Variants in DCUN1D5 observed in about 807,000 individuals in gnomAD.
The protein encoded by DCUN1D5 is DCN1-like protein 5.
Under a neutral mutation model 38.3 loss-of-function variants are expected in DCUN1D5, and 10 were observed. The ratio of observed to expected loss-of-function variants is 0.26; its 90% confidence interval spans 0.16 to 0.44. The LOEUF is 0.44. Among genes scored for constraint, DCUN1D5 ranks in the 20% least tolerant of loss-of-function variants. The pLI is 1.00. For missense variants in DCUN1D5, 148 were observed against 275.3 expected (o/e 0.54, Z 3.27); for synonymous variants, 93 against 90.9 (o/e 1.02, Z -0.13).
chr11:103,091,813 T>A lies in DCUN1D5; in HGVS notation c.60A>T (p.Gly20=). The change falls in exon 1 of 8, where the codon GGA becomes GGT. Residue 20 remains glycine (G), a synonymous_variant. Transcript: ENST00000260247. This position sits in a 1 kb window ranked among gnomAD's most constrained non-coding sequence, Gnocchi z 4.3. ...PGVAAAVAED[G]GLKKCKISSY... ...TGGAGATTTTACACTTTTTGAGGCC[T>A]CCGTCTTCCGCTACTGCTGCTGCCA... 6.2e-7 allele frequency: 1 copy of A among 1,614,038 alleles called. No individual in the cohort carries two copies.
At chr11:103,089,182 T>C in intron 2 of DCUN1D5, 45 bp downstream of exon 2, 1 of 1,583,024 alleles carries the variant, frequency 6.3e-7, no homozygotes, top group East Asian at 2.2e-5. Flanking sequence ...GCAAATAAAC[T>C]TTTTAAAGCA....
At chr11:103,072,328 G>GGATCTAGAACTAGATCTA (rs1246562414) in intron 4 of DCUN1D5, among the ~76,000 whole-genome samples, 3 of 136,304 alleles carry the variant, frequency 2.2e-5, no homozygotes, top group African/African-American at 9.3e-5. Context: ...GATTCCTCAA[G>GGATCTAGAACTAGATCTA]GATCTAGAAC....
At position 103,091,982 on chromosome 11, in the gene DCUN1D5, G is replaced by T; in HGVS notation, c.-110C>A. On this transcript the variant is annotated 5_prime_UTR_variant, in exon 1 of 8. Transcript: ENST00000260247. This position sits in a 1 kb window ranked among gnomAD's most constrained non-coding sequence, Gnocchi z 4.3. ...TTCCCAGAGACAGCAGCAAGCGGAGGAGCAGAGTCGCCAGCCCGCACCGGC... is the reference window on the plus strand; with the variant it reads ...TTCCCAGAGACAGCAGCAAGCGGAGTAGCAGAGTCGCCAGCCCGCACCGGC... 1 of 1,036,492 alleles carries T rather than the reference G, an allele frequency of 9.6e-7. No homozygotes were observed. The highest frequency in any genetic ancestry group is 1.6e-5 in the South Asian group (1 of 61,764). 64.2% of individuals were successfully genotyped at this position (1,036,492 alleles called of 1,614,324 possible).
At chr11:103,072,971 A>T (rs1862318320) in intron 4 of DCUN1D5, among the ~76,000 whole-genome samples, 1 of 152,222 alleles carries the variant, frequency 6.6e-6, no homozygotes, top group African/African-American at 2.4e-5. Context: ...TTTCTAGATG[A>T]CATGACTATG....
At position 103,071,990 on chromosome 11, in the gene DCUN1D5, T is replaced by G. The variant is rs982514512; in HGVS notation, c.342-5423A>C. ...AAAAAAAGCCACATAATTTTATCAT[T>G]TAATACAGAAAAAGCACTTTAAAAA... On this transcript the variant is annotated intron_variant, in intron 4 of 7. Transcript: ENST00000260247. The surrounding 1 kb of genome is among the most constrained non-coding windows in gnomAD (Gnocchi z 4.1). Among the ~76,000 whole-genome samples the G allele has an allele frequency of 6.6e-6, 1 of 151,684 alleles. No homozygotes were observed. The highest frequency in any genetic ancestry group is 1.9e-4 in the East Asian group (1 of 5,190).
At chr11:103,068,674 G>A (rs1862195854) in intron 4 of DCUN1D5, among the ~76,000 whole-genome samples, 1 of 151,970 alleles carries the variant, frequency 6.6e-6, no homozygotes, top group African/African-American at 2.4e-5. Context: ...CAGACACTGG[G>A]GTCTACTTGA....
chr11:103,056,652 A>G lies in DCUN1D5; in HGVS notation c.*5707T>C, dbSNP rs1237680391. Among the ~76,000 whole-genome samples the G allele has an allele frequency of 6.6e-6, 1 of 152,222 alleles. No individual in the cohort carries two copies. Among genetic ancestry groups the G allele is most frequent in the Non-Finnish European group, 1.5e-5 (1 of 68,026 alleles). Reference sequence around the variant, plus strand: ...ATTACTGTCTTGCTTCGTGCCCTGCAATATATTCAGGCCTAGAATACTTCT... The same window carrying G: ...ATTACTGTCTTGCTTCGTGCCCTGCGATATATTCAGGCCTAGAATACTTCT... On this transcript the variant is annotated 3_prime_UTR_variant, in exon 8 of 8. Coordinates refer to ENST00000260247, the MANE Select transcript of DCUN1D5 (RefSeq NM_032299.4). The surrounding 1 kb of genome is among the most constrained non-coding windows in gnomAD (Gnocchi z 4.9).
At position 103,091,924 on chromosome 11, in the gene DCUN1D5, G is replaced by A; in HGVS notation, c.-52C>T. ...AGGGGAGCCGGGGAAGGGGGTCCCT[G>A]TCCGCTGGAAGCCCCTCAGCGCTGG... On this transcript the variant is annotated 5_prime_UTR_variant, in exon 1 of 8. Transcript: ENST00000260247. The surrounding 1 kb of genome is among the most constrained non-coding windows in gnomAD (Gnocchi z 4.3). The A allele has an allele frequency of 6.5e-7, 1 of 1,544,042 alleles. No individual in the cohort carries two copies. The highest frequency in any genetic ancestry group is 8.8e-7 in the Non-Finnish European group (1 of 1,134,382).
In DCUN1D5 at chr11:103,071,510, ATATC is replaced by A. The variant is rs930967320; in HGVS notation, c.342-4947_342-4944del. 2.4e-4 allele frequency among the ~76,000 whole-genome samples: 36 copies of A among 149,988 alleles called. No homozygotes were observed. The highest frequency in any genetic ancestry group is 7.8e-4 in the African/African-American group (32 of 41,066). The stretch of plus-strand genomic sequence containing the variant: ...ATCTATATATAATTTTATATACTCT[ATATC>A]TATATGATCTATAATCTATATATAG... On this transcript the variant is annotated intron_variant, in intron 4 of 7. Transcript: ENST00000260247. The surrounding 1 kb of genome is among the most constrained non-coding windows in gnomAD (Gnocchi z 4.1).
At chr11:103,069,539 A>C (rs1862219540) in intron 4 of DCUN1D5, among the ~76,000 whole-genome samples, 1 of 152,180 alleles carries the variant, frequency 6.6e-6, no homozygotes, top group African/African-American at 2.4e-5. Context: ...GGTAACATGA[A>C]CTTCTGCTCT....
intron 3 of DCUN1D5, 31 bp from the exon 4 acceptor site, chr11:103,082,870 A>G (rs778313632): frequency 1.3e-6 from 2 of 1,526,812 alleles, no homozygotes; most frequent in Non-Finnish European, 9.1e-7. Context: ...AGGATAGGGG[A>G]AAAGTCAGCA....
Position 103,058,516 on chromosome 11 carries a change from CCA to C in DCUN1D5, c.*3841_*3842del, listed in dbSNP as rs1861933076. On this transcript the variant is annotated 3_prime_UTR_variant, in exon 8 of 8. Coordinates refer to ENST00000260247, the MANE Select transcript of DCUN1D5 (RefSeq NM_032299.4). Reference sequence around the variant, plus strand: ...AGGTTTGGGGCAGAAATTCATCTTTCCACAGTCTGTAAGTTTATCATAAAAAT... The same window carrying C: ...AGGTTTGGGGCAGAAATTCATCTTTCCAGTCTGTAAGTTTATCATAAAAAT... Among the ~76,000 whole-genome samples, 1 of 152,140 alleles carries C rather than the reference CCA, an allele frequency of 6.6e-6. No individual in the cohort carries two copies. Among genetic ancestry groups the C allele is most frequent in the South Asian group, 2.1e-4 (1 of 4,826 alleles).
At position 103,056,228 on chromosome 11, in the gene DCUN1D5, G is replaced by A. The variant is rs927193032; in HGVS notation, c.*6131C>T. On this transcript the variant is annotated 3_prime_UTR_variant, in exon 8 of 8. Coordinates refer to ENST00000260247, the MANE Select transcript of DCUN1D5 (RefSeq NM_032299.4). The surrounding 1 kb of genome is among the most constrained non-coding windows in gnomAD (Gnocchi z 4.9). Reference sequence around the variant, plus strand: ...AGTAAAGTCCTACTCTTGAGAAAGGGCTATAATGCCCTACGTAATTACCTA... The same window carrying A: ...AGTAAAGTCCTACTCTTGAGAAAGGACTATAATGCCCTACGTAATTACCTA... Among the ~76,000 whole-genome samples the A allele has an allele frequency of 6.6e-6, 1 of 152,118 alleles. No homozygotes were observed. Among genetic ancestry groups the A allele is most frequent in the Non-Finnish European group, 1.5e-5 (1 of 68,012 alleles).
At chr11:103,067,403 A>G (rs1488111933) in intron 4 of DCUN1D5, among the ~76,000 whole-genome samples, 1 of 152,180 alleles carries the variant, frequency 6.6e-6, no homozygotes, top group Non-Finnish European at 1.5e-5. Context: ...TGCCACTGCC[A>G]TACTTCAGCA....
intron 4 of DCUN1D5, among the ~76,000 whole-genome samples, chr11:103,069,429 A>G (rs767677857): frequency 6.6e-6 from 1 of 152,328 alleles, no homozygotes; most frequent in South Asian, 2.1e-4. Context: ...CACCAATGCC[A>G]GCAAAGACTG....
At chr11:103,082,379 A>G (rs914362983) in intron 4 of DCUN1D5, among the ~76,000 whole-genome samples, 9 of 152,114 alleles carry the variant, frequency 5.9e-5, no homozygotes, top group African/African-American at 2.2e-4. Context: ...GAGGCCCTAG[A>G]GCTTAGGGCT....
In DCUN1D5 at chr11:103,057,720, CAA is replaced by C. The variant is rs1020745879; in HGVS notation, c.*4637_*4638del. On this transcript the variant is annotated 3_prime_UTR_variant, in exon 8 of 8. Coordinates refer to ENST00000260247, the MANE Select transcript of DCUN1D5 (RefSeq NM_032299.4). The surrounding 1 kb of genome is among the most constrained non-coding windows in gnomAD (Gnocchi z 4.8). ...GGGTGACAGAGTAAGACCCTGTCTC[CAA>C]AAAAAAAAAGGGAAAAGTTAATTAT... 2.1e-5 allele frequency among the ~76,000 whole-genome samples: 3 copies of C among 140,122 alleles called. No individual in the cohort carries two copies. The allele number at this position is 140,122 out of a possible 152,430, so 91.9% of individuals were successfully genotyped here.
chr11:103,062,010 A>G lies in DCUN1D5; in HGVS notation c.*349T>C, dbSNP rs1278639699. 4.9e-6 allele frequency: 1 copy of G among 205,100 alleles called. No homozygotes were observed. Among genetic ancestry groups the G allele is most frequent in the East Asian group, 1.2e-4 (1 of 8,098 alleles). 12.7% of individuals were successfully genotyped at this position (205,100 alleles called of 1,614,324 possible). On this transcript the variant is annotated 3_prime_UTR_variant, in exon 8 of 8. Coordinates refer to ENST00000260247, the MANE Select transcript of DCUN1D5 (RefSeq NM_032299.4). The surrounding 1 kb of genome is among the most constrained non-coding windows in gnomAD (Gnocchi z 4.6). ...TTCTGTAAATTCACGGTGAATTGGA[A>G]CCTCAAAAATCAAAAAATTCAAATT...
In DCUN1D5 at chr11:103,058,227, C is replaced by T. The variant is rs188168276; in HGVS notation, c.*4132G>A. 1.3e-4 allele frequency among the ~76,000 whole-genome samples: 20 copies of T among 152,148 alleles called. No individual in the cohort carries two copies. In the East Asian group the frequency reaches 3.7e-3, roughly 28 times the overall value. On this transcript the variant is annotated 3_prime_UTR_variant, in exon 8 of 8. Coordinates refer to ENST00000260247, the MANE Select transcript of DCUN1D5 (RefSeq NM_032299.4). Reference sequence around the variant, plus strand: ...AGGTTCTAATACATGACACAGCATACACAGCAAAATGTTTCATCGATCCTA... The same window carrying T: ...AGGTTCTAATACATGACACAGCATATACAGCAAAATGTTTCATCGATCCTA...
Sources: gnomAD v4.1 joint callset for allele counts (sites outside exome capture counted in the v4.1 genomes callset) on GRCh38, gnomAD v4.1.1 for gene constraint, Gnocchi (gnomAD v3.1) non-coding constraint, MANE v1.5 for transcripts, NCBI Gene and HGNC (gene_info 2026-07-23, HGNC 2026-07-21) for gene names.